Variants in SHANK2 observed in about 807,000 individuals in gnomAD.
SHANK2 encodes SH3 and multiple ankyrin repeat domains protein 2.
A neutral mutation model predicts 133.7 loss-of-function variants in SHANK2; 43 were observed. That is an observed-to-expected ratio of 0.32 (90% CI 0.25 to 0.41). The LOEUF is 0.41. Ranked by LOEUF, SHANK2 falls within the 10% of genes least tolerant of loss-of-function variation. SHANK2 has a pLI of 1.00. For synonymous variants in SHANK2, 1,017 were observed against 952.8 expected, an observed-to-expected ratio of 1.07 and a Z score of -1.24; for missense variants, 1,994 against 2,235.8, an observed-to-expected ratio of 0.89 and a Z score of 2.18.
At chr11:70,902,436 C>T (rs1235271307) in intron 10 of SHANK2, among the ~76,000 whole-genome samples, 1 of 152,248 alleles carries the variant, frequency 6.6e-6, no homozygotes, top group Non-Finnish European at 1.5e-5. Flanking sequence ...GTCCCAGCCC[C>T]TGCCGCCTCC....
intron 14 of SHANK2, among the ~76,000 whole-genome samples, chr11:70,750,130 GA>G (rs1946723571): frequency 1.3e-5 from 2 of 152,206 alleles, no homozygotes; most frequent in South Asian, 4.1e-4. Context: ...AATTGGAGAA[GA>G]AAGGCAGATT....
intron 10 of SHANK2, among the ~76,000 whole-genome samples, chr11:70,904,274 G>A (rs1950066805): frequency 6.6e-6 from 1 of 152,182 alleles, no homozygotes; most frequent in Admixed American, 6.5e-5. Flanking sequence ...GTGTTCAGGA[G>A]GTGCAGGCAG....
chr11:70,665,539 C>T (rs1291778827), intron 15 of SHANK2, among the ~76,000 whole-genome samples: 1 of 152,194 alleles, frequency 6.6e-6, no homozygotes, highest in Non-Finnish European at 1.5e-5. Context: ...CACCAAACTG[C>T]TTAGTCTCTG....
At chr11:70,898,282 G>GCACACACACACACACACACA (rs71467421) in intron 10 of SHANK2, among the ~76,000 whole-genome samples, 1 of 135,422 alleles carries the variant, frequency 7.4e-6, no homozygotes, top group Admixed American at 7.7e-5. Flanking sequence ...ATACACACAC[G>GCACACACACACACACACACA]CACACACACA....
At chr11:70,537,982 T>C (rs2059567063) in intron 17 of SHANK2, among the ~76,000 whole-genome samples, 1 of 152,226 alleles carries the variant, frequency 6.6e-6, no homozygotes, top group Admixed American at 6.5e-5. Flanking sequence ...AGAGACCCCA[T>C]GAGTGTCACA....
intron 6 of SHANK2, among the ~76,000 whole-genome samples, chr11:71,098,209 G>A (rs1164232154): frequency 1.3e-4 from 20 of 151,028 alleles, no homozygotes; most frequent in South Asian, 4.2e-4. Flanking sequence ...ATGCCTGTGC[G>A]TGTGCATGCC....
intron 9 of SHANK2, among the ~76,000 whole-genome samples, chr11:71,058,616 T>C (rs1478572334): frequency 6.6e-6 from 1 of 152,220 alleles, no homozygotes; most frequent in Non-Finnish European, 1.5e-5. Context: ...GGGGGCACCT[T>C]CTCCTACAGG....
At chr11:70,499,581 C>T (rs2059020748) in intron 21 of SHANK2, among the ~76,000 whole-genome samples, 1 of 152,234 alleles carries the variant, frequency 6.6e-6, no homozygotes, top group Non-Finnish European at 1.5e-5. Flanking sequence ...AGGGCCATTC[C>T]CGTGAGCTGG....
intron 11 of SHANK2, among the ~76,000 whole-genome samples, chr11:70,893,412 G>C (rs1484728377): frequency 6.6e-6 from 1 of 152,228 alleles, no homozygotes; most frequent in African/African-American, 2.4e-5. Flanking sequence ...AAGCAATTGG[G>C]TTCCAACCTA....
chr11:71,064,173 G>C (rs999111144), intron 9 of SHANK2, among the ~76,000 whole-genome samples: 9 of 152,208 alleles, frequency 5.9e-5, no homozygotes, highest in African/African-American at 2.2e-4. Context: ...CTAGTCCCTG[G>C]GGACACAGAT....
upstream of SHANK2, among the ~76,000 whole-genome samples, chr11:71,252,794 G>C (rs939412891): frequency 6.6e-5 from 10 of 151,676 alleles, no homozygotes; most frequent in Non-Finnish European, 1.3e-4. This position sits in a 1 kb window ranked among gnomAD's most constrained non-coding sequence, Gnocchi z 6.3. Flanking sequence ...GCAACCCCGG[G>C]AGACCGCGGG....
intron 22 of SHANK2, 38 bp downstream of exon 22, chr11:70,492,297 G>A (rs782087241): frequency 4.4e-6 from 7 of 1,604,012 alleles, no homozygotes; most frequent in East Asian, 2.2e-5. Context: ...GGGCACCGTC[G>A]GCCCCCGCCC....
chr11:70,671,356 C>A (rs1374572246), intron 15 of SHANK2, among the ~76,000 whole-genome samples: 5 of 152,130 alleles, frequency 3.3e-5, no homozygotes, highest in Non-Finnish European at 5.9e-5. Flanking sequence ...CCCAAACCAG[C>A]GCCACGCCCC....
At chr11:70,744,460 TG>T (rs1946597514) in intron 14 of SHANK2, among the ~76,000 whole-genome samples, 1 of 152,154 alleles carries the variant, frequency 6.6e-6, no homozygotes, top group Non-Finnish European at 1.5e-5. Flanking sequence ...CCCGGCCCCC[TG>T]GGGGGTTCCT....
intron 8 of SHANK2, among the ~76,000 whole-genome samples, chr11:71,082,702 T>C (rs1416761679): frequency 6.4e-4 from 98 of 152,244 alleles, no homozygotes; most frequent in Non-Finnish European, 1.3e-4. Flanking sequence ...GCTGAGGGCA[T>C]CCGGCCAGGG....
intron 8 of SHANK2, among the ~76,000 whole-genome samples, chr11:71,080,091 G>A (rs1951277639): frequency 6.6e-6 from 1 of 152,136 alleles, no homozygotes; most frequent in African/African-American, 2.4e-5. Flanking sequence ...AGGGTGTCTG[G>A]TCTCTGGCTG....
At chr11:70,672,451 T>C (rs1308360158) in intron 15 of SHANK2, among the ~76,000 whole-genome samples, 1 of 152,176 alleles carries the variant, frequency 6.6e-6, no homozygotes, top group Non-Finnish European at 1.5e-5. Context: ...TCCTCCTGAC[T>C]CCTCCCATTC....
At chr11:71,236,780 T>C (rs1954830317) in intron 1 of SHANK2, among the ~76,000 whole-genome samples, 1 of 152,250 alleles carries the variant, frequency 6.6e-6, no homozygotes, top group Admixed American at 6.5e-5. Context: ...ACAACATTTT[T>C]ACTCCAGCCT....
intron 14 of SHANK2, among the ~76,000 whole-genome samples, chr11:70,732,836 C>CCCCAG (rs1461135720): frequency 6.6e-6 from 1 of 152,248 alleles, no homozygotes; most frequent in Non-Finnish European, 1.5e-5. Flanking sequence ...CCAGCAGCTG[C>CCCCAG]CATTTCCCTG....
Sources: gnomAD v4.1 joint callset for allele counts (sites outside exome capture counted in the v4.1 genomes callset) on GRCh38, gnomAD v4.1.1 for gene constraint, Gnocchi (gnomAD v3.1) non-coding constraint, MANE v1.5 for transcripts, NCBI Gene and HGNC (gene_info 2026-07-23, HGNC 2026-07-21) for gene names.